The following POLR2C variants were observed in gnomAD, a reference collection of about 807,000 sequenced individuals.
POLR2C encodes DNA-directed RNA polymerase II subunit RPB3.
POLR2C carries 36 observed loss-of-function variants against 41.7 expected under a neutral mutation model. That is an observed-to-expected ratio of 0.86 (90% confidence interval 0.66 to 1.14). POLR2C has a LOEUF of 1.14. Among genes scored for constraint, POLR2C ranks in the 50% most tolerant of loss-of-function variants. The probability of loss-of-function intolerance (pLI) is 0.00; values close to 1 mark genes in which losing one functional copy is unlikely to be tolerated. For missense variants in POLR2C, 260 were observed against 350.4 expected (o/e 0.74, Z 2.06); for synonymous variants, 133 against 137.8 (o/e 0.96, Z 0.25).
chr16:57,466,227 G>A lies in POLR2C; in HGVS notation c.258G>A (p.Arg86=), dbSNP rs1203743504. The A allele has an allele frequency of 2.5e-6, 4 of 1,578,480 alleles. No individual in the cohort carries two copies. The highest frequency in any genetic ancestry group is 1.7e-6 in the Non-Finnish European group (2 of 1,161,712). ...DDIVDKLQYS[R]DCTCEEFCPE... ...TTGTGGACAAGCTGCAGTACTCTCG[G>A]GTATGTTGTGTGATTGGGTGGAATG... is the stretch of plus-strand genomic sequence containing the variant. Residue 86 remains arginine, a splice_region_variant and synonymous_variant, in exon 4 of 9, where the codon CGG becomes CGA. Coordinates refer to ENST00000219252, the MANE Select transcript of POLR2C (RefSeq NM_032940.3).
At chr16:57,468,089 G>A (rs370094786) in intron 4 of POLR2C, among the ~76,000 whole-genome samples, 7 of 152,092 alleles carry the variant, frequency 4.6e-5, no homozygotes, top group African/African-American at 9.6e-5. Context: ...GGCTCACTGC[G>A]ACCTCAGCCT....
chr16:57,465,910 A>G, intron 2 of POLR2C, 43 bp from the exon 3 acceptor site: 1 of 1,276,636 alleles, frequency 7.8e-7, no homozygotes, highest in Non-Finnish European at 1.1e-6. Context: ...TCTGTAGGTA[A>G]ATTTGATGGC....
Position 57,469,042 on chromosome 16 carries a change from AC to A in POLR2C, c.259-119del. ...CCCACAAGAACCTGGATACTGATGA[AC>A]CCCTTTTTACAGGTGAAGAAACTTA... On this transcript the variant is annotated intron_variant, in intron 4 of 8. Transcript: ENST00000219252. The surrounding 1 kb of genome is among the most constrained non-coding windows in gnomAD (Gnocchi z 5.8). The A allele has an allele frequency of 1.1e-6, 1 of 899,104 alleles. No individual in the cohort carries two copies. Among genetic ancestry groups the A allele is most frequent in the Non-Finnish European group, 1.7e-6 (1 of 581,606 alleles). 55.7% of individuals were successfully genotyped at this position (899,104 alleles called of 1,614,324 possible).
intron 4 of POLR2C, among the ~76,000 whole-genome samples, chr16:57,468,242 CTT>C (rs1256559470): frequency 6.6e-6 from 1 of 152,194 alleles, no homozygotes; most frequent in African/African-American, 2.4e-5. Flanking sequence ...GTCTCGAACT[CTT>C]GGGCTCAAGC....
intron 4 of POLR2C, among the ~76,000 whole-genome samples, chr16:57,467,117 C>T (rs2030726955): frequency 6.6e-6 from 1 of 152,076 alleles, no homozygotes; most frequent in Non-Finnish European, 1.5e-5. Context: ...CAAGTAGTCC[C>T]AGCTACTCGG....
chr16:57,462,930 G>T (rs1243248550), intron 1 of POLR2C, 99 bp from the exon 2 acceptor site: 4 of 1,187,678 alleles, frequency 3.4e-6, no homozygotes, highest in East Asian at 2.4e-5. Context: ...TTCCAGAGCT[G>T]CCCCCCTGCA....
chr16:57,469,749 G>T lies in POLR2C; in HGVS notation c.427G>T (p.Val143Leu), dbSNP rs779917583. 1 of 1,613,962 alleles carries T rather than the reference G, an allele frequency of 6.2e-7. No individual in the cohort carries two copies. The highest frequency in any genetic ancestry group is 8.5e-7 in the Non-Finnish European group (1 of 1,179,812). The change falls in exon 6 of 9, where the codon GTG becomes TTG. Residue 143 changes from valine to leucine, a missense_variant. By Grantham distance (32) the Val-to-Leu change is conservative (BLOSUM62 1). Coordinates refer to ENST00000219252, the MANE Select transcript of POLR2C (RefSeq NM_032940.3). This position sits in a 1 kb window ranked among gnomAD's most constrained non-coding sequence, Gnocchi z 5.8. ...RNRDNDPNDY[V>L]EQDDILIVKL... ...CCGAGATAATGACCCCAATGACTAC[G>T]TGGAGCAGGATGGTAAGTCTTCCTG...
At chr16:57,464,490 A>G (rs2030655490) in intron 2 of POLR2C, among the ~76,000 whole-genome samples, 1 of 152,230 alleles carries the variant, frequency 6.6e-6, no homozygotes. Context: ...TGCATTGATT[A>G]TACTTGTATG....
At position 57,469,654 on chromosome 16, in the gene POLR2C, A is replaced by T; in HGVS notation, c.388-56A>T. On this transcript the variant is annotated intron_variant, in intron 5 of 8. Transcript: ENST00000219252. This position sits in a 1 kb window ranked among gnomAD's most constrained non-coding sequence, Gnocchi z 5.8. The stretch of plus-strand genomic sequence containing the variant: ...CTAGAGGTGCTGGGATATGGATGCC[A>T]GAGGAGGTGACTGGGGAGGTGAGCA... 1 of 1,409,270 alleles carries T rather than the reference A, an allele frequency of 7.1e-7. No individual in the cohort carries two copies. The highest frequency in any genetic ancestry group is 1.0e-6 in the Non-Finnish European group (1 of 993,206). 87.3% of individuals were successfully genotyped at this position (1,409,270 alleles called of 1,614,324 possible).
chr16:57,466,321 C>A (rs2030707594), intron 4 of POLR2C, 94 bp downstream of exon 4: 2 of 818,992 alleles, frequency 2.4e-6, no homozygotes, highest in Non-Finnish European at 4.0e-6. Context: ...AGCTTGAATA[C>A]TGTTGTAGTT....
intron 4 of POLR2C, among the ~76,000 whole-genome samples, chr16:57,468,758 A>G (rs1449010595): frequency 6.6e-6 from 1 of 152,120 alleles, no homozygotes; most frequent in East Asian, 1.9e-4. Context: ...TTTTATTTTA[A>G]ATGATGGTTA....
chr16:57,463,114 G>C (rs762229652), intron 2 of POLR2C, 36 bp downstream of exon 2: 56 of 1,550,788 alleles, frequency 3.6e-5, no homozygotes, highest in Non-Finnish European at 5.0e-5. Context: ...CGCGCCCACG[G>C]GTTCCTGCCC....
chr16:57,469,819 C>T lies in POLR2C; in HGVS notation c.439+58C>T. The T allele has an allele frequency of 3.8e-6, 6 of 1,575,256 alleles. No individual in the cohort carries two copies. The highest frequency in any genetic ancestry group is 1.1e-5 in the South Asian group (1 of 90,352). ...AGCGGGAAGGAGGGACCAGACACAG[C>T]CTCTCGTGCTGCCTGGTCTCCTCGA... On this transcript the variant is annotated intron_variant, in intron 6 of 8. Transcript: ENST00000219252. The surrounding 1 kb of genome is among the most constrained non-coding windows in gnomAD (Gnocchi z 5.8).
rs561340529 is a variant in POLR2C at position 57,469,150 on chromosome 16, C to T, written c.259-15C>T. 6.2e-7 allele frequency: 1 copy of T among 1,607,780 alleles called. No homozygotes were observed. Among genetic ancestry groups the T allele is most frequent in the African/African-American group, 1.3e-5 (1 of 74,924 alleles). ...ATCTCCCTTTGACTCATTCCTGCTT[C>T]CCTTCCTGCCTTAGGACTGCACATG... On this transcript the variant is annotated splice_polypyrimidine_tract_variant and intron_variant, in intron 4 of 8. Transcript: ENST00000219252. The surrounding 1 kb of genome is among the most constrained non-coding windows in gnomAD (Gnocchi z 5.8).
rs1598045681 is a variant in POLR2C at position 57,471,232 on chromosome 16, T to G, written c.*113T>G. ...AATCTAGTCTACTGTTGGTTGAGCT[T>G]CTTGGCAGGACATCAGTACCAACTA... is the stretch of plus-strand genomic sequence containing the variant. On this transcript the variant is annotated 3_prime_UTR_variant, in exon 9 of 9. Coordinates refer to ENST00000219252, the MANE Select transcript of POLR2C (RefSeq NM_032940.3). 1 of 908,688 alleles carries G rather than the reference T, an allele frequency of 1.1e-6. No homozygotes were observed. The highest frequency in any genetic ancestry group is 2.5e-5 in the East Asian group (1 of 40,000). 56.3% of individuals were successfully genotyped at this position (908,688 alleles called of 1,614,324 possible).
At chr16:57,463,565 A>G (rs1393555292) in intron 2 of POLR2C, 20 of 428,848 alleles carry the variant, frequency 4.7e-5, no homozygotes, top group Admixed American at 4.5e-4. Context: ...AGTAGTCACC[A>G]GTGTGTTTAT....
intron 2 of POLR2C, among the ~76,000 whole-genome samples, chr16:57,464,461 C>T (rs942046056): frequency 1.3e-5 from 2 of 152,212 alleles, no homozygotes; most frequent in African/African-American, 4.8e-5. Context: ...GTTCCAGCCA[C>T]TCTGCTCCAG....
At chr16:57,465,465 G>T (rs2030683186) in intron 2 of POLR2C, among the ~76,000 whole-genome samples, 1 of 152,220 alleles carries the variant, frequency 6.6e-6, no homozygotes, top group Non-Finnish European at 1.5e-5. Context: ...CGCATTAAAA[G>T]AATTCAGTAA....
chr16:57,465,877 A>G (rs1289088847), intron 2 of POLR2C, 76 bp from the exon 3 acceptor site: 2 of 929,778 alleles, frequency 2.2e-6, no homozygotes, highest in African/African-American at 1.6e-5. Context: ...TGATTCCTAA[A>G]TCTTGAGAAC....
Sources: gnomAD v4.1 joint callset for allele counts (sites outside exome capture counted in the v4.1 genomes callset) on GRCh38, gnomAD v4.1.1 for gene constraint, Gnocchi (gnomAD v3.1) non-coding constraint, MANE v1.5 for transcripts, NCBI Gene and HGNC (gene_info 2026-07-23, HGNC 2026-07-21) for gene names.